The following DCC variants were observed in gnomAD, a reference collection of about 807,000 sequenced individuals.
The protein encoded by DCC is DCC netrin 1 receptor, also known as netrin receptor DCC.
A neutral mutation model predicts 172.5 loss-of-function variants in DCC; 58 were observed. The ratio of observed to expected loss-of-function variants is 0.34; its 90% CI spans 0.27 to 0.42. The LOEUF (loss-of-function observed/expected upper bound fraction) is 0.42. DCC is among the 10% of genes least tolerant of loss of function. The pLI is 1.00. For synonymous variants in DCC, 709 were observed against 644.5 expected, an observed-to-expected ratio of 1.10 and a Z score of -1.52; for missense variants, 1,740 against 1,791.0, an observed-to-expected ratio of 0.97 and a Z score of 0.51.
chr18:52,969,584 A>ACTCTCT (rs56024197), intron 5 of DCC, among the ~76,000 whole-genome samples: 4,176 of 119,168 alleles, frequency 0.035, 159 homozygotes, highest in Middle Eastern at 0.05. Flanking sequence ...CCCGCCCCCC[A>ACTCTCT]CTCTCTCTCT....
chr18:53,525,473 A>G (rs1430046985), intron 27 of DCC, among the ~76,000 whole-genome samples: 6 of 152,118 alleles, frequency 3.9e-5, no homozygotes, highest in Non-Finnish European at 5.9e-5. Flanking sequence ...AAGAAATTTC[A>G]TGTTAGGTCA....
intron 2 of DCC, among the ~76,000 whole-genome samples, chr18:52,837,485 C>A (rs565352615): frequency 2.6e-5 from 4 of 152,290 alleles, no homozygotes; most frequent in African/African-American, 9.6e-5. Flanking sequence ...AGGGCAGGGA[C>A]AAAATGCCAC....
At chr18:52,552,141 G>A (rs538246545) in intron 1 of DCC, among the ~76,000 whole-genome samples, 9 of 151,768 alleles carry the variant, frequency 5.9e-5, no homozygotes, top group East Asian at 1.9e-4. Context: ...AAAAAGTGGC[G>A]GATTGATAGG....
chr18:53,130,127 T>A (rs1028784030), intron 7 of DCC, among the ~76,000 whole-genome samples: 1 of 152,152 alleles, frequency 6.6e-6, no homozygotes. Flanking sequence ...GTTCCTCAGA[T>A]TCTAGCAATT....
chr18:52,811,587 G>C (rs1223739555), intron 2 of DCC, among the ~76,000 whole-genome samples: 1 of 151,648 alleles, frequency 6.6e-6, no homozygotes, highest in Non-Finnish European at 1.5e-5. Context: ...AGTAACTGGT[G>C]AAAGTTTTAT....
chr18:53,082,885 C>T (rs1469410847), intron 7 of DCC, among the ~76,000 whole-genome samples: 1 of 152,044 alleles, frequency 6.6e-6, no homozygotes, highest in East Asian at 1.9e-4. Flanking sequence ...CTCCCTCATT[C>T]CTAGACTCCA....
chr18:53,099,939 C>CTTTT (rs200213348), intron 7 of DCC, among the ~76,000 whole-genome samples: 3,112 of 86,466 alleles, frequency 0.036, 385 homozygotes, highest in African/African-American at 0.053. Flanking sequence ...TCTTTTCTTT[C>CTTTT]TTTCTTTTTT....
chr18:52,430,400 A>G (rs1987582463), intron 1 of DCC, among the ~76,000 whole-genome samples: 1 of 150,160 alleles, frequency 6.7e-6, no homozygotes, highest in African/African-American at 2.5e-5. Context: ...ACAAGAAAAA[A>G]TGCATTGGTT....
At chr18:53,254,978 A>G (rs1351291034) in intron 12 of DCC, among the ~76,000 whole-genome samples, 4 of 151,990 alleles carry the variant, frequency 2.6e-5, no homozygotes, top group Non-Finnish European at 5.9e-5. Context: ...GCCCTGCCCT[A>G]TTCTAGTCTA....
chr18:52,822,444 TAA>T (rs2038423666), intron 2 of DCC, among the ~76,000 whole-genome samples: 1 of 152,212 alleles, frequency 6.6e-6, no homozygotes, highest in Non-Finnish European at 1.5e-5. Context: ...CAGAGTAAAC[TAA>T]TAGCTGAGCT....
intron 27 of DCC, among the ~76,000 whole-genome samples, chr18:53,504,864 G>A (rs896816891): frequency 2.0e-5 from 3 of 152,130 alleles, no homozygotes; most frequent in Non-Finnish European, 4.4e-5. Context: ...GCTTGCCCAA[G>A]GTCAACAATT....
chr18:52,939,345 G>C (rs898020782), intron 5 of DCC, among the ~76,000 whole-genome samples: 2 of 152,172 alleles, frequency 1.3e-5, no homozygotes, highest in Non-Finnish European at 1.5e-5. Context: ...ATCTCTCATA[G>C]TTACTGTTAT....
chr18:52,686,767 A>C (rs1829434183), intron 1 of DCC, among the ~76,000 whole-genome samples: 1 of 152,112 alleles, frequency 6.6e-6, no homozygotes, highest in South Asian at 2.1e-4. Flanking sequence ...AGAGGGTTGG[A>C]GATAAATCAA....
At chr18:53,079,822 A>G (rs1471851260) in intron 7 of DCC, among the ~76,000 whole-genome samples, 1 of 152,148 alleles carries the variant, frequency 6.6e-6, no homozygotes. Flanking sequence ...ATTACATACA[A>G]CACATGGGAG....
At chr18:53,052,124 C>T (rs1038959216) in intron 5 of DCC, among the ~76,000 whole-genome samples, 4 of 151,896 alleles carry the variant, frequency 2.6e-5, no homozygotes, top group African/African-American at 4.8e-5. Flanking sequence ...TATTATGAGA[C>T]TTGTACTTTC....
chr18:52,552,056 A>G (rs1240592261), intron 1 of DCC, among the ~76,000 whole-genome samples: 2 of 152,140 alleles, frequency 1.3e-5, no homozygotes, highest in African/African-American at 4.8e-5. Flanking sequence ...CTAGAGAAAT[A>G]AATCATTGAA....
At chr18:53,222,122 T>G (rs1463036166) in intron 12 of DCC, among the ~76,000 whole-genome samples, 1 of 152,150 alleles carries the variant, frequency 6.6e-6, no homozygotes, top group Admixed American at 6.5e-5. Flanking sequence ...TCAGTGAAAT[T>G]ACAGTCAATG....
chr18:53,420,081 TC>T (rs1242251986), intron 21 of DCC, among the ~76,000 whole-genome samples: 6 of 152,072 alleles, frequency 3.9e-5, no homozygotes, highest in Non-Finnish European at 7.4e-5. Flanking sequence ...GTCTCAATCC[TC>T]CTGACCTTGT....
chr18:52,523,976 A>G (rs1345297664), intron 1 of DCC, among the ~76,000 whole-genome samples: 3 of 152,182 alleles, frequency 2.0e-5, no homozygotes, highest in African/African-American at 7.2e-5. Flanking sequence ...TGCTCTTCTC[A>G]ATTAATAATT....
Sources: gnomAD v4.1 joint callset for allele counts (sites outside exome capture counted in the v4.1 genomes callset) on GRCh38, gnomAD v4.1.1 for gene constraint, MANE v1.5 for transcripts, NCBI Gene and HGNC (gene_info 2026-07-23, HGNC 2026-07-21) for gene names.